Variants in WWC1 observed in about 807,000 individuals in gnomAD.
WWC1 encodes WW and C2 domain containing 1.
Under a neutral mutation model 138.4 loss-of-function variants are expected in WWC1, and 55 were observed. The observed-to-expected ratio is 0.40, with a 90% confidence interval of 0.32 to 0.50. The LOEUF is 0.50. Ranked by LOEUF, WWC1 falls within the 20% of genes least tolerant of loss-of-function variation. WWC1 has a pLI of 0.72. For missense variants in WWC1, 1,226 were observed against 1,420.4 expected (o/e 0.86, Z 2.20); for synonymous variants, 524 against 564.9 (o/e 0.93, Z 1.03).
At chr5:168,426,679 C>T (rs1278330848) in intron 11 of WWC1, among the ~76,000 whole-genome samples, 2 of 152,264 alleles carry the variant, frequency 1.3e-5, no homozygotes, top group Non-Finnish European at 2.9e-5. Context: ...GGGACGCAGG[C>T]TCAGCTTCCC....
intron 1 of WWC1, among the ~76,000 whole-genome samples, chr5:168,293,460 A>T (rs6555791): frequency 0.44 from 66,444 of 151,890 alleles, 15,537 homozygotes; most frequent in East Asian, 0.75. Flanking sequence ...AAAGAAAATG[A>T]GAGTTGAGAT....
intron 2 of WWC1, among the ~76,000 whole-genome samples, chr5:168,380,234 G>C (rs1381638525): frequency 6.6e-6 from 1 of 152,088 alleles, no homozygotes; most frequent in Non-Finnish European, 1.5e-5. Context: ...ACTTGAGCCC[G>C]GGAGTTCACG....
At chr5:168,441,622 C>T (rs1754768631) in intron 15 of WWC1, 60 bp from the exon 16 acceptor site, 2 of 1,575,308 alleles carry the variant, frequency 1.3e-6, no homozygotes, top group African/African-American at 1.4e-5. Context: ...AACCAAATTC[C>T]CTGACACCTG....
At chr5:168,401,145 T>C (rs1779279614) in intron 5 of WWC1, among the ~76,000 whole-genome samples, 1 of 151,068 alleles carries the variant, frequency 6.6e-6, no homozygotes, top group Non-Finnish European at 1.5e-5. Context: ...GAGAAAGAAA[T>C]TAAGAAAGGG....
Position 168,467,942 on chromosome 5 carries a change from C to A in WWC1, c.3253C>A (p.Pro1085Thr), listed in dbSNP as rs1188327850. ...HRLRGQSCKE[P>T]PEVQSFREKM... ...GCTCCGAGGCCAGAGCTGTAAGGAA[C>A]CCCCAGAAGTTCAGTCTTTCAGGTA... is the stretch of plus-strand genomic sequence containing the variant. Residue 1085 changes from proline to threonine, a missense_variant, in exon 22 of 23, where the codon CCC (proline) becomes ACC (threonine). Pro to Thr is a conservative substitution (Grantham distance 38). Transcript: ENST00000265293. The A allele has an allele frequency of 6.2e-7, 1 of 1,614,208 alleles. No homozygotes were observed. Among genetic ancestry groups the A allele is most frequent in the Non-Finnish European group, 8.5e-7 (1 of 1,180,038 alleles).
At chr5:168,339,804 G>GTT (rs35262033) in intron 1 of WWC1, among the ~76,000 whole-genome samples, 6,614 of 119,062 alleles carry the variant, frequency 0.056, 538 homozygotes, top group African/African-American at 0.23. Context: ...CATTCTTTTT[G>GTT]TTTTTCTTTC....
intron 6 of WWC1, 31 bp from the exon 7 acceptor site, chr5:168,408,476 G>A (rs577830317): frequency 4.2e-5 from 68 of 1,609,192 alleles, no homozygotes; most frequent in East Asian, 1.8e-4. Context: ...CTGGGAAGGC[G>A]CATCACTAAC....
chr5:168,356,137 G>C (rs569263211), intron 1 of WWC1, among the ~76,000 whole-genome samples: 3 of 152,362 alleles, frequency 2.0e-5, no homozygotes, highest in East Asian at 3.9e-4. Flanking sequence ...TTGGTTCATT[G>C]TCTGGTGCTC....
At chr5:168,442,188 G>A (rs908898324) in intron 16 of WWC1, among the ~76,000 whole-genome samples, 11 of 152,174 alleles carry the variant, frequency 7.2e-5, no homozygotes, top group African/African-American at 2.7e-4. Context: ...TTTGTTCAAG[G>A]TCCATACTGG....
chr5:168,393,906 A>T lies in WWC1; in HGVS notation c.434-3818A>T, dbSNP rs145069513. Among the ~76,000 whole-genome samples, 735 of 152,342 alleles carry T rather than the reference A, an allele frequency of 4.8e-3. 5 individuals carry two copies. The highest frequency in any genetic ancestry group is 0.017 in the African/African-American group (712 of 41,578). ...TGGTAAGTTTGTAGAAACTAAGCAA[A>T]CGTAAAAATGACAATAATTAACTCA... On this transcript the variant is annotated intron_variant, in intron 3 of 22. Transcript: ENST00000265293.
chr5:168,338,675 C>T (rs555148165), intron 1 of WWC1, among the ~76,000 whole-genome samples: 1 of 152,216 alleles, frequency 6.6e-6, no homozygotes, highest in East Asian at 1.9e-4. Context: ...CCCCAAAGTG[C>T]TGGGATGCTG....
At chr5:168,397,184 C>A (rs1423635046) in intron 3 of WWC1, among the ~76,000 whole-genome samples, 1 of 151,386 alleles carries the variant, frequency 6.6e-6, no homozygotes, top group African/African-American at 2.4e-5. Flanking sequence ...GCTCTGTCAC[C>A]CAGGCTGGAA....
intron 1 of WWC1, among the ~76,000 whole-genome samples, chr5:168,325,836 C>T (rs976189164): frequency 1.3e-5 from 2 of 152,150 alleles, no homozygotes; most frequent in African/African-American, 2.4e-5. Flanking sequence ...CTGGAAACTA[C>T]TATTCTGTCT....
chr5:168,377,539 AG>A (rs1213446847), intron 2 of WWC1, among the ~76,000 whole-genome samples: 14 of 152,248 alleles, frequency 9.2e-5, no homozygotes, highest in African/African-American at 3.4e-4. Flanking sequence ...CATCCAGTAA[AG>A]GTCTAATATC....
intron 3 of WWC1, among the ~76,000 whole-genome samples, chr5:168,393,051 T>G (rs551993428): frequency 6.6e-6 from 1 of 151,592 alleles, no homozygotes; most frequent in South Asian, 2.1e-4. Flanking sequence ...AAAGGAAGAC[T>G]GGAAAATAAA....
chr5:168,365,592 A>G (rs1776227025), intron 1 of WWC1, among the ~76,000 whole-genome samples: 1 of 152,164 alleles, frequency 6.6e-6, no homozygotes, highest in Non-Finnish European at 1.5e-5. Context: ...CACAGCCCGT[A>G]GGAAAGTAAC....
At chr5:168,390,209 T>A (rs149934259) in intron 3 of WWC1, among the ~76,000 whole-genome samples, 177 of 152,334 alleles carry the variant, frequency 1.2e-3, no homozygotes, top group African/African-American at 3.8e-3. Context: ...GGGTCTAAAT[T>A]AGTTAACAAA....
intron 1 of WWC1, among the ~76,000 whole-genome samples, chr5:168,347,182 C>G (rs1000164558): frequency 2.0e-5 from 3 of 152,174 alleles, no homozygotes; most frequent in African/African-American, 7.2e-5. Context: ...GAGGCTAAAG[C>G]CAGCATCTCT....
intron 3 of WWC1, among the ~76,000 whole-genome samples, chr5:168,393,115 GA>G (rs918388173): frequency 2.8e-4 from 42 of 150,220 alleles, no homozygotes; most frequent in African/African-American, 1.5e-4. Flanking sequence ...AAAATAAGAG[GA>G]AAAAAAAATA....
Sources: allele counts gnomAD v4.1 joint callset (sites outside exome capture counted in the v4.1 genomes callset), GRCh38; gene constraint gnomAD v4.1.1; transcripts MANE v1.5; gene names NCBI Gene and HGNC (gene_info 2026-07-23, HGNC 2026-07-21).